Variants in EVI5L observed in about 807,000 individuals in gnomAD.
EVI5L encodes the protein EVI5-like protein.
A neutral mutation model predicts 106.1 loss-of-function variants in EVI5L; 30 were observed. The ratio of observed to expected loss-of-function variants is 0.28; its 90% CI spans 0.21 to 0.38. The LOEUF is 0.38. Ranked by LOEUF, EVI5L falls within the 10% of genes least tolerant of loss-of-function variation. The pLI is 1.00. For missense variants in EVI5L, 809 were observed against 1,098.0 expected (o/e 0.74, Z 3.72); for synonymous variants, 489 against 483.3 (o/e 1.01, Z -0.15).
At chr19:7,834,355 A>T (rs2335862) in intron 1 of EVI5L, among the ~76,000 whole-genome samples, 18 of 152,174 alleles carry the variant, frequency 1.2e-4, no homozygotes, top group Non-Finnish European at 1.8e-4. Context: ...AAAAATTTTT[A>T]AAAAAAGAAA....
chr19:7,851,392 GC>G (rs1568239739), intron 6 of EVI5L, 41 bp from the exon 7 acceptor site: 1 of 1,585,328 alleles, frequency 6.3e-7, no homozygotes, highest in Non-Finnish European at 8.6e-7. Context: ...CGGTGGGAGG[GC>G]GTCCCCCTCA....
At chr19:7,851,399 C>G (rs200027211) in intron 6 of EVI5L, 35 bp from the exon 7 acceptor site, 1 of 1,596,442 alleles carries the variant, frequency 6.3e-7, no homozygotes, top group African/African-American at 1.3e-5. Flanking sequence ...AGGGCGTCCC[C>G]CTCACTGTGC....
chr19:7,856,125 G>C lies in EVI5L; in HGVS notation c.1200+57G>C, dbSNP rs775645772. The C allele has an allele frequency of 2.7e-4, 354 of 1,299,888 alleles. No individual in the cohort carries two copies. The highest frequency in any genetic ancestry group is 5.2e-4 in the Admixed American group (17 of 32,684). The allele number at this position is 1,299,888 out of a possible 1,614,324, so 80.5% of individuals were successfully genotyped here. On this transcript the variant is annotated intron_variant, in intron 11 of 19. Transcript: ENST00000538904. This position sits in a 1 kb window ranked among gnomAD's most constrained non-coding sequence, Gnocchi z 6.6. ...CGCCATGGGGTGTGACCCACCATGC[G>C]GGGCATGGCCGCTAACCTGGGGTGG...
intron 14 of EVI5L, among the ~76,000 whole-genome samples, 193 bp downstream of exon 14, chr19:7,860,882 G>A (rs546397726): frequency 2.6e-5 from 4 of 152,118 alleles, no homozygotes; most frequent in Non-Finnish European, 4.4e-5. Context: ...CTCCAGCAGC[G>A]TGGCAGCTTC....
At chr19:7,842,349 G>T (rs927691599) in intron 1 of EVI5L, among the ~76,000 whole-genome samples, 1 of 33,958 alleles carries the variant, frequency 2.9e-5, no homozygotes, top group Non-Finnish European at 7.4e-5. Context: ...GTGCATGTGT[G>T]TGTGAATGTG....
intron 15 of EVI5L, 24 bp downstream of exon 15, chr19:7,862,042 G>T: frequency 6.5e-7 from 1 of 1,538,866 alleles, no homozygotes. Context: ...GGGCGCCGGC[G>T]GGCAGAGCGC....
In EVI5L at chr19:7,862,138, G is replaced by A; in HGVS notation, c.1661G>A (p.Gly554Asp). Residue 554 changes from glycine to aspartate, a missense_variant, in exon 16 of 20, where the codon GGC (glycine) becomes GAC (aspartate). Gly to Asp is a moderately conservative substitution (Grantham distance 94). Around this residue, in one of 2 missense-constraint regions of EVI5L, gnomAD observed 452 missense variants for 509.9 expected, o/e 0.89. Transcript: ENST00000538904. ...SDTWQAHLARGGRWKESPRKL... is the reference protein window; with the variant it reads ...SDTWQAHLARDGRWKESPRKL... ...ACCCCCCAGGCCCATCTGGCCCGCG[G>A]CGGCCGCTGGAAGGAGTCCCCACGG... 1 of 1,571,032 alleles carries A rather than the reference G, an allele frequency of 6.4e-7. No homozygotes were observed. The highest frequency in any genetic ancestry group is 8.6e-7 in the Non-Finnish European group (1 of 1,163,494).
chr19:7,849,788 G>A (rs899583436), intron 5 of EVI5L, among the ~76,000 whole-genome samples: 2 of 152,142 alleles, frequency 1.3e-5, no homozygotes, highest in African/African-American at 4.8e-5. Context: ...GTTTCCTGCC[G>A]AGTGGCCCTT....
chr19:7,834,088 T>G (rs953185467), intron 1 of EVI5L, among the ~76,000 whole-genome samples: 1 of 152,208 alleles, frequency 6.6e-6, no homozygotes, highest in South Asian at 2.1e-4. Context: ...GGCTCACGCC[T>G]GTAATCCCGG....
chr19:7,841,259 A>G (rs535973419), intron 1 of EVI5L, among the ~76,000 whole-genome samples: 1 of 152,132 alleles, frequency 6.6e-6, no homozygotes, highest in African/African-American at 2.4e-5. Context: ...GGTGACATAC[A>G]TTTGGTCATT....
chr19:7,836,987 C>T (rs563868283), intron 1 of EVI5L, among the ~76,000 whole-genome samples: 2 of 151,422 alleles, frequency 1.3e-5, no homozygotes, highest in Admixed American at 1.3e-4. Flanking sequence ...CCCCTGTGGC[C>T]AGGAGTTCAA....
chr19:7,858,116 G>T lies in EVI5L; in HGVS notation c.1234-75G>T. ...ACCTCCACTCTCTGGGCCTCCCCCT[G>T]TGGCGGGAGGCAGGGCCTTGGGTGG... On this transcript the variant is annotated intron_variant, in intron 12 of 19. Transcript: ENST00000538904. This position sits in a 1 kb window ranked among gnomAD's most constrained non-coding sequence, Gnocchi z 5.7. The T allele has an allele frequency of 7.3e-6, 11 of 1,505,420 alleles. No homozygotes were observed. The highest frequency in any genetic ancestry group is 9.8e-6 in the Non-Finnish European group (11 of 1,120,718). The allele number at this position is 1,505,420 out of a possible 1,614,324, so 93.3% of individuals were successfully genotyped here. A position where few individuals can be genotyped will look rare whatever the true frequency, so the allele number is the denominator to read the frequency against.
chr19:7,853,227 A>G (rs1279034246), intron 9 of EVI5L, 44 bp downstream of exon 9: 1 of 1,613,326 alleles, frequency 6.2e-7, no homozygotes, highest in East Asian at 2.2e-5. Flanking sequence ...AGAAGGGGGG[A>G]CCCCCGAGGG....
intron 10 of EVI5L, among the ~76,000 whole-genome samples, chr19:7,854,107 C>G (rs12984090): frequency 0.35 from 53,520 of 151,526 alleles, 10,216 homozygotes; most frequent in South Asian, 0.65. Context: ...TGCAGTGAAA[C>G]CCCGTCTCTA....
At chr19:7,846,457 T>A (rs2307002) in intron 1 of EVI5L, 39 bp from the exon 2 acceptor site, 1,247,875 of 1,488,270 alleles carry the variant, frequency 0.84, 524,343 homozygotes, top group South Asian at 0.88. Context: ...TGGAGTGGGC[T>A]CCCACCCAAT....
Position 7,847,852 on chromosome 19 carries a change from G to T in EVI5L, c.258G>T (p.Thr86=), listed in dbSNP as rs140398803. ...SSNLSHLEED[T]WILWGRIANE... is the part of the protein sequence containing the mutation. ...ACCTGAGCCACCTGGAGGAGGACAC[G>T]TGGATCCTGTGGGGCCGGATCGCCA... is the stretch of plus-strand genomic sequence containing the variant. Residue 86 remains threonine (T), a synonymous_variant, in exon 3 of 20, where the codon ACG becomes ACT. Coordinates refer to ENST00000538904, the MANE Select transcript of EVI5L (RefSeq NM_001159944.3). 106 of 1,605,556 alleles carry T rather than the reference G, an allele frequency of 6.6e-5. 1 individual carries two copies. The African/African-American group carries it at 1.3e-3, about 20-fold the overall frequency.
rs1392678398 is a variant in EVI5L at position 7,858,113 on chromosome 19, C to T, written c.1234-78C>T. 1.3e-6 allele frequency: 2 copies of T among 1,500,278 alleles called. No homozygotes were observed. Among genetic ancestry groups the T allele is most frequent in the Non-Finnish European group, 1.8e-6 (2 of 1,116,484 alleles). 92.9% of individuals were successfully genotyped at this position (1,500,278 alleles called of 1,614,324 possible). A position where few individuals can be genotyped will look rare whatever the true frequency, so the allele number is the denominator to read the frequency against. ...CCCACCTCCACTCTCTGGGCCTCCC[C>T]CTGTGGCGGGAGGCAGGGCCTTGGG... is the stretch of plus-strand genomic sequence containing the variant. On this transcript the variant is annotated intron_variant, in intron 12 of 19. Transcript: ENST00000538904. This position sits in a 1 kb window ranked among gnomAD's most constrained non-coding sequence, Gnocchi z 5.7.
intron 8 of EVI5L, 46 bp downstream of exon 8, chr19:7,851,816 G>A: frequency 6.8e-7 from 1 of 1,460,364 alleles, no homozygotes; most frequent in Non-Finnish European, 9.0e-7. Flanking sequence ...CCAATCAGGG[G>A]CTTCGAGTCA....
At chr19:7,840,483 A>C (rs566977307) in intron 1 of EVI5L, among the ~76,000 whole-genome samples, 4 of 152,234 alleles carry the variant, frequency 2.6e-5, no homozygotes, top group Non-Finnish European at 5.9e-5. Flanking sequence ...CATCTCAAAA[A>C]AAAAGAATCA....
Sources: gnomAD v4.1 joint callset for allele counts (sites outside exome capture counted in the v4.1 genomes callset) on GRCh38, gnomAD v4.1.1 for gene constraint, gnomAD v4.1.1 regional missense constraint, Gnocchi (gnomAD v3.1) non-coding constraint, MANE v1.5 for transcripts, NCBI Gene and HGNC (gene_info 2026-07-23, HGNC 2026-07-21) for gene names.